Variants in SUPT3H observed in about 807,000 individuals in gnomAD.
The protein encoded by SUPT3H is SPT3 homolog, SAGA and STAGA complex component, also known as transcription initiation protein SPT3 homolog.
Under a neutral mutation model 44.3 loss-of-function variants are expected in SUPT3H, and 44 were observed. That is an observed-to-expected ratio of 0.99 (90% CI 0.78 to 1.28). SUPT3H has a LOEUF of 1.28. Among genes scored for constraint, SUPT3H ranks in the 50% most tolerant of loss-of-function variants. SUPT3H has a pLI of 0.00. For missense variants in SUPT3H, 380 were observed against 387.1 expected (o/e 0.98, Z 0.15); for synonymous variants, 124 against 125.6 (o/e 0.99, Z 0.09).
chr6:45,357,085 C>G (rs1167232197), intron 2 of SUPT3H, among the ~76,000 whole-genome samples: 3 of 152,160 alleles, frequency 2.0e-5, no homozygotes, highest in Non-Finnish European at 4.4e-5. Context: ...CGGCTCACTG[C>G]AAGCTCCGCC....
At chr6:45,198,054 C>T (rs1326068269) in intron 2 of SUPT3H, among the ~76,000 whole-genome samples, 1 of 151,306 alleles carries the variant, frequency 6.6e-6, no homozygotes, top group Non-Finnish European at 1.5e-5. Flanking sequence ...AAGTTCTCAA[C>T]TTATCTTTTG....
At chr6:44,918,475 T>A (rs1768153087) in intron 10 of SUPT3H, among the ~76,000 whole-genome samples, 1 of 152,230 alleles carries the variant, frequency 6.6e-6, no homozygotes, top group Non-Finnish European at 1.5e-5. Flanking sequence ...AAGAGATCGA[T>A]GATATACCTT....
intron 2 of SUPT3H, among the ~76,000 whole-genome samples, chr6:45,289,034 A>G (rs928957499): frequency 6.6e-6 from 1 of 152,132 alleles, no homozygotes; most frequent in Non-Finnish European, 1.5e-5. Context: ...GCATCGGGCC[A>G]GGATTAGTAA....
intron 3 of SUPT3H, among the ~76,000 whole-genome samples, chr6:45,036,253 C>T (rs13205113): frequency 0.12 from 18,315 of 152,008 alleles, 1,420 homozygotes; most frequent in East Asian, 0.27. Flanking sequence ...TTACTTTATA[C>T]AGGGTAATCA....
chr6:45,010,099 T>C (rs1783261702), intron 5 of SUPT3H, among the ~76,000 whole-genome samples: 1 of 152,166 alleles, frequency 6.6e-6, no homozygotes, highest in Admixed American at 6.6e-5. Context: ...TTGATGCTAT[T>C]GTAAATGGCA....
chr6:45,268,537 A>G (rs4469289), intron 2 of SUPT3H, among the ~76,000 whole-genome samples: 146,976 of 152,300 alleles, frequency 0.97, 70,950 homozygotes, highest in East Asian at 1. Context: ...TCTTATATAC[A>G]TCAACTGACA....
intron 10 of SUPT3H, among the ~76,000 whole-genome samples, chr6:44,896,864 GT>G (rs1450752551): frequency 1.3e-5 from 2 of 152,188 alleles, no homozygotes; most frequent in African/African-American, 4.8e-5. Context: ...CTGAATGATA[GT>G]GACAACGATG....
chr6:44,924,236 C>A (rs1582525728), intron 10 of SUPT3H, among the ~76,000 whole-genome samples: 1 of 152,036 alleles, frequency 6.6e-6, no homozygotes, highest in Non-Finnish European at 1.5e-5. Flanking sequence ...AAGACTTTTG[C>A]AGGCCTGTAT....
At chr6:45,264,884 A>G (rs1775002279) in intron 2 of SUPT3H, among the ~76,000 whole-genome samples, 1 of 152,156 alleles carries the variant, frequency 6.6e-6, no homozygotes, top group South Asian at 2.1e-4. Context: ...TAGTTTAAAG[A>G]AAAGAGAAAC....
At chr6:45,056,023 T>C (rs554693400) in intron 3 of SUPT3H, among the ~76,000 whole-genome samples, 1 of 152,080 alleles carries the variant, frequency 6.6e-6, no homozygotes, top group East Asian at 1.9e-4. Context: ...AAAACATGAA[T>C]AGATAATTCT....
intron 2 of SUPT3H, among the ~76,000 whole-genome samples, chr6:45,187,848 T>C (rs893285336): frequency 1.3e-5 from 2 of 152,172 alleles, no homozygotes; most frequent in Non-Finnish European, 1.5e-5. Context: ...TATAGAAAAA[T>C]AATTACAGCA....
At chr6:45,257,304 C>A (rs962264257) in intron 2 of SUPT3H, among the ~76,000 whole-genome samples, 1 of 152,132 alleles carries the variant, frequency 6.6e-6, no homozygotes, top group African/African-American at 2.4e-5. Context: ...CACAAACCTA[C>A]TAAGGGAAAT....
At chr6:45,144,479 A>G (rs1432343939) in intron 2 of SUPT3H, among the ~76,000 whole-genome samples, 1 of 152,166 alleles carries the variant, frequency 6.6e-6, no homozygotes, top group Non-Finnish European at 1.5e-5. Context: ...AACCCTCAGC[A>G]AAACTGACAT....
At chr6:45,054,675 T>C (rs1790841637) in intron 3 of SUPT3H, among the ~76,000 whole-genome samples, 1 of 152,106 alleles carries the variant, frequency 6.6e-6, no homozygotes, top group African/African-American at 2.4e-5. Context: ...TCCAATATAT[T>C]CCTGAGAATC....
intron 2 of SUPT3H, among the ~76,000 whole-genome samples, chr6:45,312,684 G>T (rs1359364758): frequency 7.4e-5 from 1 of 13,514 alleles, no homozygotes; most frequent in Admixed American, 1.2e-3. Context: ...CAATAATGTG[G>T]GGGGGGGGGG....
intron 2 of SUPT3H, among the ~76,000 whole-genome samples, chr6:45,188,413 A>G (rs1486232759): frequency 6.6e-6 from 1 of 152,248 alleles, no homozygotes; most frequent in Non-Finnish European, 1.5e-5. Context: ...GCCACAATGC[A>G]TGATAAGTGC....
At chr6:45,145,839 T>A (rs957230853) in intron 2 of SUPT3H, among the ~76,000 whole-genome samples, 1 of 151,586 alleles carries the variant, frequency 6.6e-6, no homozygotes, top group African/African-American at 2.4e-5. Context: ...AACAATCCCA[T>A]CAAAAAGTGG....
chr6:45,237,144 A>G (rs751726039), intron 2 of SUPT3H, among the ~76,000 whole-genome samples: 1 of 152,236 alleles, frequency 6.6e-6, no homozygotes, highest in Non-Finnish European at 1.5e-5. Context: ...AAGGCAAAGC[A>G]GCTTATTGGG....
At chr6:44,894,576 T>C (rs1016635525) in intron 10 of SUPT3H, among the ~76,000 whole-genome samples, 3 of 152,178 alleles carry the variant, frequency 2.0e-5, no homozygotes, top group Admixed American at 6.5e-5. Flanking sequence ...GTTCTATTGA[T>C]GTATATCTCT....
Sources: allele counts gnomAD v4.1 joint callset (sites outside exome capture counted in the v4.1 genomes callset), GRCh38; gene constraint gnomAD v4.1.1; transcripts MANE v1.5; gene names NCBI Gene and HGNC (gene_info 2026-07-23, HGNC 2026-07-21).